The following MSRA variants were observed in gnomAD, a reference collection of about 807,000 sequenced individuals.
MSRA encodes methionine sulfoxide reductase A.
MSRA carries 54 observed loss-of-function variants against 31.3 expected under a neutral mutation model. The observed-to-expected ratio is 1.73, with a 90% CI of 1.39 to 2.17. MSRA has a LOEUF of 2.17. Among genes scored for constraint, MSRA ranks in the 30% most tolerant of loss-of-function variants. MSRA has a pLI of 0.00. For synonymous variants in MSRA, 169 were observed against 116.5 expected (o/e 1.45, Z -2.90); for missense variants, 507 against 300.9 (o/e 1.69, Z -5.07).
At position 10,054,616 on chromosome 8, in the gene MSRA, C is replaced by G; in HGVS notation, c.100C>G (p.Gln34Glu). The change falls in exon 1 of 6, where the codon CAG becomes GAG. Residue 34 changes from glutamine to glutamate, a missense_variant. Transcript: ENST00000317173. ...GNSASNIVSP[Q>E]EALPGRKEQT... ...CTCGGCCTCGAACATCGTCAGCCCC[C>G]AGGAGGCCTTGCCGGGCCGGAAGGA... 2 of 1,577,840 alleles carry G rather than the reference C, an allele frequency of 1.3e-6. No individual in the cohort carries two copies. The highest frequency in any genetic ancestry group is 1.7e-6 in the Non-Finnish European group (2 of 1,162,658).
chr8:10,090,906 C>T, intron 1 of MSRA, among the ~76,000 whole-genome samples: 1 of 152,178 alleles, frequency 6.6e-6, no homozygotes, highest in East Asian at 1.9e-4. Context: ...CAATGTGTAG[C>T]CCAACAACAT....
chr8:10,373,942 C>T (rs1805616553), intron 5 of MSRA, among the ~76,000 whole-genome samples: 3 of 152,150 alleles, frequency 2.0e-5, no homozygotes, highest in Admixed American at 1.3e-4. Flanking sequence ...CTTTCGGAAC[C>T]CATGAAAAGA....
intron 3 of MSRA, among the ~76,000 whole-genome samples, chr8:10,280,191 C>CT (rs979618479): frequency 6.6e-5 from 10 of 151,000 alleles, no homozygotes; most frequent in Non-Finnish European, 1.3e-4. Flanking sequence ...TTTGTGCTTT[C>CT]TTTTTTTTTC....
intron 1 of MSRA, among the ~76,000 whole-genome samples, chr8:10,203,335 A>G (rs1808665195): frequency 6.6e-6 from 1 of 152,180 alleles, no homozygotes. Flanking sequence ...TGGCTGGGGA[A>G]ACTATTTCTG....
intron 1 of MSRA, among the ~76,000 whole-genome samples, chr8:10,179,383 G>A (rs1201890320): frequency 6.6e-6 from 1 of 152,152 alleles, no homozygotes; most frequent in East Asian, 1.9e-4. Context: ...TCCAGTAAAG[G>A]GGTGGGACTG....
intron 5 of MSRA, among the ~76,000 whole-genome samples, chr8:10,320,591 T>G (rs1801994267): frequency 6.6e-6 from 1 of 152,226 alleles, no homozygotes. Context: ...TGTCTGAAAC[T>G]CTCTCTTTTT....
chr8:10,190,757 C>T (rs1807438254), intron 1 of MSRA, among the ~76,000 whole-genome samples: 1 of 152,186 alleles, frequency 6.6e-6, no homozygotes, highest in Non-Finnish European at 1.5e-5. Context: ...TGAGTTGAGA[C>T]TTCTGTGACC....
intron 3 of MSRA, among the ~76,000 whole-genome samples, chr8:10,280,311 TTC>T (rs1799551231): frequency 6.6e-6 from 1 of 152,176 alleles, no homozygotes. Flanking sequence ...ATAGTTGTCA[TTC>T]TCTTTTTAAC....
At chr8:10,190,647 C>A (rs114144896) in intron 1 of MSRA, among the ~76,000 whole-genome samples, 7,917 of 152,262 alleles carry the variant, frequency 0.052, 248 homozygotes, top group South Asian at 0.1. Flanking sequence ...CACGTAGTTA[C>A]TATTTTATTG....
chr8:10,061,244 C>A (rs1238765711), intron 1 of MSRA, among the ~76,000 whole-genome samples: 1 of 152,120 alleles, frequency 6.6e-6, no homozygotes, highest in Admixed American at 6.5e-5. Flanking sequence ...ACGACCATAC[C>A]CATAGCGTGG....
chr8:10,334,393 A>G (rs1802896121), intron 5 of MSRA, among the ~76,000 whole-genome samples: 1 of 151,870 alleles, frequency 6.6e-6, no homozygotes, highest in African/African-American at 2.4e-5. Context: ...TTCAGCCTCT[A>G]TAAAGTGGCT....
At position 10,333,809 on chromosome 8, in the gene MSRA, A is replaced by AC. The variant is rs993129097; in HGVS notation, c.543+13828dup. Among the ~76,000 whole-genome samples, 373 of 140,450 alleles carry AC rather than the reference A, an allele frequency of 2.7e-3. 2 individuals carry two copies. The highest frequency in any genetic ancestry group is 6.0e-3 in the African/African-American group (225 of 37,428). 92.1% of individuals were successfully genotyped at this position (140,450 alleles called of 152,430 possible). Reference sequence around the variant, plus strand: ...AGTTTCCACGTTTCTTCTCCACCCCACCCCCCCCACGCTGAGTGGGACCTT... The same window carrying AC: ...AGTTTCCACGTTTCTTCTCCACCCCACCCCCCCCCACGCTGAGTGGGACCTT... On this transcript the variant is annotated intron_variant, in intron 5 of 5. Transcript: ENST00000317173.
intron 1 of MSRA, among the ~76,000 whole-genome samples, chr8:10,189,294 G>T (rs562978951): frequency 2.0e-5 from 3 of 152,144 alleles, no homozygotes; most frequent in South Asian, 2.1e-4. Flanking sequence ...TGTTGTCTGC[G>T]TATAAAGTAT....
intron 5 of MSRA, among the ~76,000 whole-genome samples, chr8:10,386,970 G>T (rs977202806): frequency 6.6e-6 from 1 of 151,838 alleles, no homozygotes; most frequent in Admixed American, 6.6e-5. Context: ...AGCAGTGCCT[G>T]TCAAATATTG....
intron 1 of MSRA, among the ~76,000 whole-genome samples, chr8:10,184,869 A>G (rs1806882210): frequency 1.3e-5 from 2 of 152,232 alleles, no homozygotes; most frequent in Non-Finnish European, 2.9e-5. Context: ...ATTGTACTGA[A>G]AAATAGCCTG....
In MSRA at chr8:10,200,070, TGGGAGGTATGGGGGTTGCCTG is replaced by T. The variant is rs373761537; in HGVS notation, c.143-7741_143-7721del. On this transcript the variant is annotated intron_variant, in intron 1 of 5. Coordinates refer to ENST00000317173, the MANE Select transcript of MSRA (RefSeq NM_012331.5). ...AGGCTTGTTCTTCTGCAGAAAGAGCTGGGAGGTATGGGGGTTGCCTGGGGAGGTATGGGGGTTGCCTGAGCT... is the reference window on the plus strand; with the variant it reads ...AGGCTTGTTCTTCTGCAGAAAGAGCTGGGAGGTATGGGGGTTGCCTGAGCT... Among the ~76,000 whole-genome samples, 1,032 of 152,128 alleles carry T rather than the reference TGGGAGGTATGGGGGTTGCCTG, an allele frequency of 6.8e-3. 14 individuals are homozygous for T. The highest frequency in any genetic ancestry group is 0.023 in the African/African-American group (968 of 41,518).
chr8:10,225,424 T>C (rs1299451716), intron 2 of MSRA, among the ~76,000 whole-genome samples: 2 of 152,242 alleles, frequency 1.3e-5, no homozygotes, highest in Non-Finnish European at 2.9e-5. Flanking sequence ...GGTCTTGGAT[T>C]ACTTGGGGCC....
chr8:10,425,603 G>A (rs1757957696), intron 5 of MSRA, among the ~76,000 whole-genome samples: 1 of 152,238 alleles, frequency 6.6e-6, no homozygotes, highest in Non-Finnish European at 1.5e-5. Flanking sequence ...GACACAGGCA[G>A]GCTGGGAGGT....
intron 4 of MSRA, among the ~76,000 whole-genome samples, chr8:10,303,035 A>G (rs1800932350): frequency 1.3e-5 from 2 of 152,246 alleles, no homozygotes; most frequent in African/African-American, 4.8e-5. Flanking sequence ...CCTTCTGGTA[A>G]GTCATCAATC....
Sources: gnomAD v4.1 joint callset for allele counts (sites outside exome capture counted in the v4.1 genomes callset) on GRCh38, gnomAD v4.1.1 for gene constraint, MANE v1.5 for transcripts, NCBI Gene and HGNC (gene_info 2026-07-23, HGNC 2026-07-21) for gene names.